PPP2R3B: variants seen among roughly 807,000 people sequenced by gnomAD.
PPP2R3B encodes the protein serine/threonine-protein phosphatase 2A regulatory subunit B'' subunit beta.
PPP2R3B carries 68 observed loss-of-function variants against 72.9 expected under a neutral mutation model. That is an observed-to-expected ratio of 0.93 (90% CI 0.77 to 1.14). The LOEUF is 1.14. Among genes scored for constraint, PPP2R3B ranks in the 50% most tolerant of loss-of-function variants. PPP2R3B has a pLI of 0.00. For missense variants in PPP2R3B, 1,018 were observed against 842.0 expected, an observed-to-expected ratio of 1.21 and a Z score of -2.59; for synonymous variants, 466 against 375.8, an observed-to-expected ratio of 1.24 and a Z score of -2.78.
chrX:379,452 G>A (rs1446638650), intron 1 of PPP2R3B, among the ~76,000 whole-genome samples: 1 of 152,022 alleles, frequency 6.6e-6, no homozygotes, highest in Non-Finnish European at 1.5e-5. Context: ...CTGTGTGTGT[G>A]TATGCACCTG....
intron 12 of PPP2R3B, chrX:334,769 TAC>T (rs758675263): frequency 4.7e-5 from 20 of 429,874 alleles, no homozygotes; most frequent in African/African-American, 3.1e-4. Context: ...GGGCGTGAGC[TAC>T]ACACAGAGGA....
intron 1 of PPP2R3B, among the ~76,000 whole-genome samples, chrX:379,047 CTGTG>C (rs1176097963): frequency 1.3e-5 from 2 of 150,632 alleles, no homozygotes; most frequent in South Asian, 2.1e-4. Flanking sequence ...GTGTATGCAC[CTGTG>C]TGTTTGTGTG....
chrX:341,280 C>A (rs1204154182), intron 9 of PPP2R3B, 27 bp downstream of exon 9: 4 of 1,608,150 alleles, frequency 2.5e-6, no homozygotes, highest in Non-Finnish European at 3.4e-6. Flanking sequence ...TCCACTGGGA[C>A]AAACGCATGC....
intron 12 of PPP2R3B, chrX:334,876 G>A (rs2070847351): frequency 4.2e-6 from 1 of 239,494 alleles, no homozygotes; most frequent in Non-Finnish European, 8.0e-6. Context: ...GAACAAACAG[G>A]ACCACAGTTT....
intron 6 of PPP2R3B, 127 bp downstream of exon 6, chrX:346,047 G>C: frequency 3.7e-6 from 1 of 271,682 alleles, no homozygotes; most frequent in Non-Finnish European, 7.3e-6. Flanking sequence ...GTGGAGGTGG[G>C]GGTGGGGGTG....
In PPP2R3B at chrX:361,486, G is replaced by A. The variant is rs191069606; in HGVS notation, c.429C>T (p.Ala143=). The A allele has an allele frequency of 3.9e-5, 63 of 1,614,034 alleles. 1 individual carries two copies. Among genetic ancestry groups the A allele is most frequent in the South Asian group, 1.8e-4 (16 of 91,080 alleles). ...GRPQDSVNVD[A]VISKIESTFA... is the part of the protein sequence containing the mutation. The stretch of plus-strand genomic sequence containing the variant: ...AGGTGCTCTCGATCTTGCTGATGAC[G>A]GCATCCACGTTGACGGAGTCCTGCG... Residue 143 remains alanine (A), a synonymous_variant, in exon 2 of 13, where the codon GCC becomes GCT. Transcript: ENST00000390665.
intron 2 of PPP2R3B, among the ~76,000 whole-genome samples, chrX:360,231 T>C (rs1341418297): frequency 1.3e-5 from 2 of 152,128 alleles, no homozygotes; most frequent in Admixed American, 6.5e-5. Flanking sequence ...ACTGTATTAA[T>C]AAGTTAAAAA....
chrX:346,069 G>C, intron 6 of PPP2R3B, 105 bp downstream of exon 6: 1 of 538,194 alleles, frequency 1.9e-6, no homozygotes, highest in South Asian at 1.9e-5. Context: ...GGGTGGGAGA[G>C]GGGGTGGGAG....
chrX:347,738 G>C, intron 2 of PPP2R3B, 45 bp from the exon 3 acceptor site: 2 of 1,415,820 alleles, frequency 1.4e-6, no homozygotes, highest in Non-Finnish European at 1.9e-6. Context: ...GGGCCTGGAC[G>C]CCGGCGCTCC....
At chrX:342,252 C>T (rs1369527536) in intron 7 of PPP2R3B, 54 of 521,520 alleles carry the variant, frequency 1.0e-4, no homozygotes, top group Non-Finnish European at 1.6e-4. Flanking sequence ...AGTGTGATCA[C>T]GGAAACAAAC....
rs1198365666 is a variant in PPP2R3B at position 334,165 on chromosome X, C to G, written c.*202G>C. On this transcript the variant is annotated 3_prime_UTR_variant, in exon 13 of 13. Transcript: ENST00000390665. ...GGGAACCCGTCCCATTCACGCGCGG[C>G]CCTACGTGTCCCCCTGGCACAGAGC... 2 of 519,594 alleles carry G rather than the reference C, an allele frequency of 3.8e-6. No individual in the cohort carries two copies. Among genetic ancestry groups the G allele is most frequent in the South Asian group, 3.8e-5 (1 of 25,994 alleles). 32.2% of individuals were successfully genotyped at this position (519,594 alleles called of 1,614,324 possible). A position where few individuals can be genotyped will look rare whatever the true frequency, so the allele number is the denominator to read the frequency against.
chrX:364,155 A>G (rs1225280211), intron 1 of PPP2R3B, among the ~76,000 whole-genome samples: 2 of 152,222 alleles, frequency 1.3e-5, no homozygotes, highest in African/African-American at 4.8e-5. Flanking sequence ...GGCAAAACGC[A>G]GGGTCCTCCG....
Position 341,891 on chromosome X carries a change from TGC to T in PPP2R3B, c.1075_1076del (p.Ala359SerfsTer25). On this transcript the variant is annotated frameshift_variant, in exon 8 of 13. Transcript: ENST00000390665. LOFTEE classifies it high-confidence loss of function. ...GCCTGAGCCGTACGTACCGTGTGACTGCTCCTGAGAAGATCCTGTCTATCATC... is the reference window on the plus strand; with the variant it reads ...GCCTGAGCCGTACGTACCGTGTGACTTCCTGAGAAGATCCTGTCTATCATC... The part of the protein sequence containing the change: ...TKMIDRIFSG[A>X]VTRGRKVQKE... 6.2e-7 allele frequency: 1 copy of T among 1,612,706 alleles called. No homozygotes were observed. The highest frequency in any genetic ancestry group is 8.5e-7 in the Non-Finnish European group (1 of 1,179,754).
chrX:380,673 T>C (rs1185801937), intron 1 of PPP2R3B, among the ~76,000 whole-genome samples: 1 of 150,854 alleles, frequency 6.6e-6, no homozygotes, highest in Non-Finnish European at 1.5e-5. Flanking sequence ...TAATCCCAGC[T>C]ACTCGGGAGG....
rs765248231 is a variant in PPP2R3B, at chrX:386,541, C to T, written c.151G>A (p.Asp51Asn). Residue 51 changes from aspartate (D) to asparagine (N), a missense_variant, in exon 1 of 13, where the codon GAC (aspartate) becomes AAC (asparagine). Coordinates refer to ENST00000390665, the MANE Select transcript of PPP2R3B (RefSeq NM_013239.5). ...GGCCAGGCCCCGGGCTGCTCCCCGT[C>T]CCCCGGGGTCGGCTGGTCCCGCCCG... ...APGRDQPTPG[D>N]GEQPGAWPTA... is the part of the protein sequence containing the mutation. 132 of 1,430,144 alleles carry T rather than the reference C, an allele frequency of 9.2e-5. 2 individuals are homozygous for T. The African/African-American group carries it at 1.9e-3, about 20-fold the overall frequency. 88.6% of individuals were successfully genotyped at this position (1,430,144 alleles called of 1,614,324 possible).
intron 7 of PPP2R3B, chrX:344,775 A>G: frequency 3.8e-6 from 1 of 262,058 alleles, no homozygotes; most frequent in South Asian, 4.1e-5. Context: ...CGTCCGACGC[A>G]GGGATCTACT....
At chrX:360,533 C>T (rs926866928) in intron 2 of PPP2R3B, among the ~76,000 whole-genome samples, 1 of 152,180 alleles carries the variant, frequency 6.6e-6, no homozygotes, top group African/African-American at 2.4e-5. Context: ...GACTTTGTCT[C>T]AAACAAGCAA....
rs1569416396 is a variant in PPP2R3B, at chrX:376,447, C to CT, written c.324+9920_324+9921insA. Among the ~76,000 whole-genome samples the CT allele has an allele frequency of 4.0e-4, 59 of 147,500 alleles. 6 individuals carry two copies. The highest frequency in any genetic ancestry group is 3.5e-3 in the Middle Eastern group (1 of 282). On this transcript the variant is annotated intron_variant, in intron 1 of 12. Coordinates refer to ENST00000390665, the MANE Select transcript of PPP2R3B (RefSeq NM_013239.5). ...ACACTCGACAGAGCCCCCATGGGGCCATCCACTACCGTGTACAGGGACGGG... is the reference window on the plus strand; with the variant it reads ...ACACTCGACAGAGCCCCCATGGGGCCTATCCACTACCGTGTACAGGGACGGG...
intron 2 of PPP2R3B, among the ~76,000 whole-genome samples, chrX:349,469 G>A (rs1242971246): frequency 6.6e-6 from 1 of 152,210 alleles, no homozygotes; most frequent in Non-Finnish European, 1.5e-5. Flanking sequence ...TCCCTGTGCT[G>A]GGAACAAGAG....
Sources: allele counts gnomAD v4.1 joint callset (sites outside exome capture counted in the v4.1 genomes callset), GRCh38; gene constraint gnomAD v4.1.1; transcripts MANE v1.5; gene names NCBI Gene and HGNC (gene_info 2026-07-23, HGNC 2026-07-21).